Variants in RNF10 observed in about 807,000 individuals in gnomAD.
RNF10 encodes the protein ring finger protein 10, also known as E3 ubiquitin-protein ligase RNF10.
RNF10 carries 38 observed loss-of-function variants against 91.4 expected under a neutral mutation model. That is an observed-to-expected ratio of 0.42 (90% CI 0.32 to 0.54). The LOEUF is 0.54. Among genes scored for constraint, RNF10 ranks in the 20% least tolerant of loss-of-function variants. The pLI is 0.16. For missense variants in RNF10, 945 were observed against 1,012.0 expected, an observed-to-expected ratio of 0.93 and a Z score of 0.90; for synonymous variants, 364 against 366.3, an observed-to-expected ratio of 0.99 and a Z score of 0.07.
At chr12:120,540,615 G>T (rs904004254) in intron 1 of RNF10, among the ~76,000 whole-genome samples, 12 of 152,158 alleles carry the variant, frequency 7.9e-5, no homozygotes, top group African/African-American at 2.9e-4. Context: ...ATAAGAGCCA[G>T]TCTCTCACTT....
At chr12:120,547,687 A>C (rs1872524396) in intron 2 of RNF10, among the ~76,000 whole-genome samples, 1 of 152,172 alleles carries the variant, frequency 6.6e-6, no homozygotes, top group Non-Finnish European at 1.5e-5. Flanking sequence ...TTTGAGGTAA[A>C]GCAAGTAGGC....
At chr12:120,550,295 G>T (rs1872858237) in intron 2 of RNF10, among the ~76,000 whole-genome samples, 1 of 151,928 alleles carries the variant, frequency 6.6e-6, no homozygotes, top group South Asian at 2.1e-4. Context: ...GAAGAGAGGA[G>T]GTCAAGGACC....
At chr12:120,553,124 C>T (rs1873405022) in intron 3 of RNF10, among the ~76,000 whole-genome samples, 1 of 123,908 alleles carries the variant, frequency 8.1e-6, no homozygotes, top group South Asian at 2.9e-4. Context: ...CGCTCTGCCA[C>T]CCAGGCTAGA....
At position 120,541,139 on chromosome 12, in the gene RNF10, G is replaced by A. The variant is rs534401164; in HGVS notation, c.158-5266G>A. 5.9e-5 allele frequency among the ~76,000 whole-genome samples: 9 copies of A among 152,312 alleles called. No homozygotes were observed. In the South Asian group the frequency reaches 8.3e-4, roughly 14 times the overall value. ...CCCAAAGCATTGGGATTATAGGCAT[G>A]AGCCACCGTGTCTGGCCATTTTACT... is the stretch of plus-strand genomic sequence containing the variant. On this transcript the variant is annotated intron_variant, in intron 1 of 16. Coordinates refer to ENST00000325954, the MANE Select transcript of RNF10 (RefSeq NM_014868.5).
chr12:120,552,062 T>G (rs919133294), intron 2 of RNF10, among the ~76,000 whole-genome samples: 1 of 137,648 alleles, frequency 7.3e-6, no homozygotes, highest in Non-Finnish European at 1.5e-5. Flanking sequence ...CCAGCCTGGG[T>G]GACAGAGTGA....
Position 120,571,584 on chromosome 12 carries a change from C to T in RNF10, c.2142+293C>T, listed in dbSNP as rs1200350307. On this transcript the variant is annotated intron_variant, in intron 14 of 16. Transcript: ENST00000325954. ...GGGAGGCATTCTTAAGAGGAAAGCT[C>T]ATGGATTTAGTCCTCAGATGTTACT... Among the ~76,000 whole-genome samples the T allele has an allele frequency of 2.0e-5, 3 of 152,134 alleles. No individual in the cohort carries two copies. In the East Asian group the frequency reaches 5.8e-4, roughly 29 times the overall value.
intron 2 of RNF10, among the ~76,000 whole-genome samples, chr12:120,550,665 C>T (rs787835): frequency 0.034 from 5,007 of 148,402 alleles, 116 homozygotes; most frequent in Non-Finnish European, 0.052. Context: ...GGCGTGATCT[C>T]GGCTCACTGC....
chr12:120,567,631 G>A (rs112105384), intron 13 of RNF10, among the ~76,000 whole-genome samples: 4,483 of 151,694 alleles, frequency 0.03, 230 homozygotes, highest in African/African-American at 0.1. Context: ...AACCTGGGAG[G>A]CGGAGGTCTC....
At chr12:120,544,780 C>G (rs1872065396) in intron 1 of RNF10, among the ~76,000 whole-genome samples, 1 of 152,158 alleles carries the variant, frequency 6.6e-6, no homozygotes, top group Non-Finnish European at 1.5e-5. Flanking sequence ...TCTGTCAGTT[C>G]CACTTTTTGA....
intron 1 of RNF10, among the ~76,000 whole-genome samples, chr12:120,542,355 T>C (rs1182112629): frequency 6.6e-6 from 1 of 152,196 alleles, no homozygotes. Context: ...GGTCTTGCTA[T>C]GTTGCCCAGG....
intron 13 of RNF10, among the ~76,000 whole-genome samples, chr12:120,568,972 T>G (rs1409405425): frequency 6.6e-6 from 1 of 151,838 alleles, no homozygotes; most frequent in Non-Finnish European, 1.5e-5. Flanking sequence ...CATTCTTGTT[T>G]TGTTTTGTTT....
In RNF10 at chr12:120,550,434, C is replaced by T. The variant is rs936699875; in HGVS notation, c.355-2065C>T. 5.9e-5 allele frequency among the ~76,000 whole-genome samples: 9 copies of T among 152,080 alleles called. No individual in the cohort carries two copies. The East Asian group carries it at 1.2e-3, about 20-fold the overall frequency. ...TGTGGAGGATTTTGTTGACTGAGCA[C>T]AAGCTCTTAGATCTAAGTTTGGGGC... is the stretch of plus-strand genomic sequence containing the variant. On this transcript the variant is annotated intron_variant, in intron 2 of 16. Coordinates refer to ENST00000325954, the MANE Select transcript of RNF10 (RefSeq NM_014868.5).
chr12:120,556,951 G>T (rs940724879), intron 4 of RNF10, among the ~76,000 whole-genome samples: 1 of 151,940 alleles, frequency 6.6e-6, no homozygotes, highest in Admixed American at 6.6e-5. Context: ...AGGAGATCAA[G>T]ACCATCCTGG....
chr12:120,546,615 G>C lies in RNF10; in HGVS notation c.354+14G>C. 1 of 1,608,592 alleles carries C rather than the reference G, an allele frequency of 6.2e-7. No homozygotes were observed. The highest frequency in any genetic ancestry group is 1.7e-5 in the Admixed American group (1 of 58,934). ...AGACGAGATGAGGTATGGAATTTGA[G>C]AATGTCCTTTCTAGAGCATAAGCAT... is the stretch of plus-strand genomic sequence containing the variant. On this transcript the variant is annotated intron_variant, in intron 2 of 16. Transcript: ENST00000325954.
chr12:120,542,287 A>G (rs1871687144), intron 1 of RNF10, among the ~76,000 whole-genome samples: 1 of 152,118 alleles, frequency 6.6e-6, no homozygotes, highest in African/African-American at 2.4e-5. Context: ...CCTCTCAGCT[A>G]GGACTGCAGG....
intron 1 of RNF10, among the ~76,000 whole-genome samples, chr12:120,545,102 G>A (rs1452270917): frequency 6.6e-6 from 1 of 152,210 alleles, no homozygotes; most frequent in African/African-American, 2.4e-5. Flanking sequence ...TGCTCTGTGG[G>A]TACTGGCAAC....
At chr12:120,566,779 ATTG>A in intron 12 of RNF10, 43 bp from the exon 13 acceptor site, 1 of 1,488,814 alleles carries the variant, frequency 6.7e-7, no homozygotes, top group Non-Finnish European at 9.1e-7. Flanking sequence ...AAAAAAAAAA[ATTG>A]AATTCTGTAA....
intron 4 of RNF10, among the ~76,000 whole-genome samples, chr12:120,555,666 AT>A (rs1227585645): frequency 7.1e-6 from 1 of 140,546 alleles, no homozygotes. Flanking sequence ...TTTTTTTTGT[AT>A]TTTTTTTTAG....
rs760636693 is a variant in RNF10 at position 120,565,207 on chromosome 12, C to G, written c.1783+18C>G. ...GTTCTCAGGTGAGAATGCCCCTGCTCTGCTTCTCTTTATAGTAGGGTTCAG... is the reference window on the plus strand; with the variant it reads ...GTTCTCAGGTGAGAATGCCCCTGCTGTGCTTCTCTTTATAGTAGGGTTCAG... On this transcript the variant is annotated intron_variant, in intron 11 of 16. Transcript: ENST00000325954. 3.3e-6 allele frequency: 5 copies of G among 1,510,274 alleles called. No homozygotes were observed. The Admixed American group carries it at 8.4e-5, about 25-fold the overall frequency. 93.6% of individuals were successfully genotyped at this position (1,510,274 alleles called of 1,614,324 possible).
Sources: allele counts gnomAD v4.1 joint callset (sites outside exome capture counted in the v4.1 genomes callset), GRCh38; gene constraint gnomAD v4.1.1; transcripts MANE v1.5; gene names NCBI Gene and HGNC (gene_info 2026-07-23, HGNC 2026-07-21).